IFT81: variants seen among roughly 807,000 people sequenced by gnomAD.
IFT81 encodes intraflagellar transport 81, also known as intraflagellar transport protein 81 homolog.
Under a neutral mutation model 102.6 loss-of-function variants are expected in IFT81, and 72 were observed. That is an observed-to-expected ratio of 0.70 (90% CI 0.58 to 0.85). The LOEUF (loss-of-function observed/expected upper bound fraction) is 0.85. Ranked by LOEUF, IFT81 falls within the 40% of genes least tolerant of loss-of-function variation. The probability of loss-of-function intolerance (pLI) is 0.00; values close to 1 mark genes in which losing one functional copy is unlikely to be tolerated. For synonymous variants in IFT81, 237 were observed against 242.7 expected (o/e 0.98, Z 0.22); for missense variants, 723 against 787.3 (o/e 0.92, Z 0.98).
chr12:110,160,698 A>G (rs1593315858), intron 10 of IFT81, among the ~76,000 whole-genome samples: 1 of 152,238 alleles, frequency 6.6e-6, no homozygotes, highest in African/African-American at 2.4e-5. Context: ...GACACCTAAT[A>G]GTAACCATCA....
chr12:110,173,582 A>G (rs1400624574), intron 11 of IFT81, among the ~76,000 whole-genome samples: 1 of 152,240 alleles, frequency 6.6e-6, no homozygotes, highest in Non-Finnish European at 1.5e-5. Flanking sequence ...TGTGGAAAGA[A>G]GTAGACATGG....
chr12:110,203,048 C>A (rs1028500259), intron 14 of IFT81, among the ~76,000 whole-genome samples: 1 of 151,968 alleles, frequency 6.6e-6, no homozygotes, highest in Non-Finnish European at 1.5e-5. Context: ...GGTGGATCAC[C>A]TGAGATCAGG....
intron 18 of IFT81, among the ~76,000 whole-genome samples, 194 bp from the exon 19 acceptor site, chr12:110,217,850 G>T (rs1470204339): frequency 6.6e-6 from 1 of 152,090 alleles, no homozygotes; most frequent in Admixed American, 6.6e-5. Flanking sequence ...AAAGTGCTAG[G>T]TTTACAGACA....
chr12:110,208,372 C>T (rs895019246), intron 17 of IFT81, among the ~76,000 whole-genome samples: 6 of 151,906 alleles, frequency 3.9e-5, no homozygotes, highest in Non-Finnish European at 8.8e-5. Flanking sequence ...CCCAATATGG[C>T]GACACATGTC....
chr12:110,142,183 A>G (rs1894930211), intron 8 of IFT81, among the ~76,000 whole-genome samples: 1 of 152,038 alleles, frequency 6.6e-6, no homozygotes, highest in South Asian at 2.1e-4. Flanking sequence ...TTTTTTTGAG[A>G]CAGAGTCTCC....
At position 110,162,882 on chromosome 12, in the gene IFT81, A is replaced by G. The variant is rs1381683153; in HGVS notation, c.1042-37A>G. 9.3e-6 allele frequency: 14 copies of G among 1,499,246 alleles called. No individual in the cohort carries two copies. In the Admixed American group the frequency reaches 1.7e-4, roughly 18 times the overall value. The allele number at this position is 1,499,246 out of a possible 1,614,324, so 92.9% of individuals were successfully genotyped here. A position where few individuals can be genotyped will look rare whatever the true frequency, so the allele number is the denominator to read the frequency against. On this transcript the variant is annotated intron_variant, in intron 10 of 18. Coordinates refer to ENST00000242591, the MANE Select transcript of IFT81 (RefSeq NM_014055.4). ...CACAAGATAATAGAAAGTTGATTGT[A>G]TATCTTATTATACCTTCATATTTAA...
rs1893911821 is a variant in IFT81 at position 110,127,406 on chromosome 12, T to C, written c.26T>C (p.Met9Thr). 3 of 1,595,694 alleles carry C rather than the reference T, an allele frequency of 1.9e-6. No homozygotes were observed. Among genetic ancestry groups the C allele is most frequent in the African/African-American group, 1.3e-5 (1 of 74,102 alleles). MSDQIKFI[M>T]DSLNKEPFRK... ...ATGAGTGATCAAATTAAATTCATTA[T>C]GGACAGTCTCAATAAGGAGCCCTTT... Residue 9 changes from methionine to threonine, a missense_variant, in exon 2 of 19, where the codon ATG becomes ACG. By Grantham distance (81) the Met-to-Thr change is moderately conservative. Transcript: ENST00000242591.
intron 11 of IFT81, among the ~76,000 whole-genome samples, chr12:110,179,189 A>G (rs942923833): frequency 1.3e-5 from 2 of 152,142 alleles, no homozygotes; most frequent in African/African-American, 4.8e-5. Flanking sequence ...TAAGTGATAA[A>G]TAGTAGCTAC....
At chr12:110,175,103 TG>T (rs1896983692) in intron 11 of IFT81, among the ~76,000 whole-genome samples, 1 of 152,196 alleles carries the variant, frequency 6.6e-6, no homozygotes, top group Non-Finnish European at 1.5e-5. Flanking sequence ...TGGGCTTCCC[TG>T]CCCAGTAGCA....
chr12:110,140,311 A>G (rs924284482), intron 8 of IFT81, among the ~76,000 whole-genome samples: 1 of 152,066 alleles, frequency 6.6e-6, no homozygotes, highest in Non-Finnish European at 1.5e-5. Flanking sequence ...CTTTTGACAT[A>G]CGCATACACT....
intron 12 of IFT81, 124 bp downstream of exon 12, chr12:110,180,695 A>G (rs1029457650): frequency 6.5e-6 from 4 of 611,542 alleles, no homozygotes; most frequent in Non-Finnish European, 1.0e-5. Context: ...TCTCTGATTA[A>G]TTACAGACAT....
At chr12:110,177,882 G>A (rs900013854) in intron 11 of IFT81, among the ~76,000 whole-genome samples, 2 of 151,700 alleles carry the variant, frequency 1.3e-5, no homozygotes, top group Non-Finnish European at 2.9e-5. Context: ...ATCACCTGAG[G>A]TCAGGAGTTC....
At chr12:110,179,842 AAT>A (rs886790382) in intron 11 of IFT81, among the ~76,000 whole-genome samples, 24 of 141,746 alleles carry the variant, frequency 1.7e-4, no homozygotes, top group East Asian at 6.0e-4. Flanking sequence ...ATATACACAT[AAT>A]ATATATATAT....
At chr12:110,147,194 T>A (rs1027312401) in intron 10 of IFT81, 146 bp downstream of exon 10, 2 of 540,116 alleles carry the variant, frequency 3.7e-6, no homozygotes, top group African/African-American at 3.9e-5. Flanking sequence ...TATCAAAGAA[T>A]TAGTGGAAAA....
intron 11 of IFT81, among the ~76,000 whole-genome samples, chr12:110,176,561 G>C (rs1897042802): frequency 6.6e-6 from 1 of 152,054 alleles, no homozygotes; most frequent in South Asian, 2.1e-4. Context: ...TTTGTTTTTT[G>C]TATGACATTG....
intron 8 of IFT81, among the ~76,000 whole-genome samples, chr12:110,143,113 A>G (rs1175916049): frequency 6.6e-6 from 1 of 152,150 alleles, no homozygotes; most frequent in Non-Finnish European, 1.5e-5. Context: ...TGCGGGATAT[A>G]AAAGAATTAG....
At chr12:110,186,238 CTTGTTTGTTTGTTTGTTTGTTTGT>C (rs139841661) in intron 12 of IFT81, among the ~76,000 whole-genome samples, 2 of 150,794 alleles carry the variant, frequency 1.3e-5, no homozygotes, top group Non-Finnish European at 3.0e-5. Flanking sequence ...AACTGTACAT[CTTGTTTGTTTGTTTGTTTGTTTGT>C]TTGTTTGTTT....
intron 14 of IFT81, 62 bp from the exon 15 acceptor site, chr12:110,203,802 T>A: frequency 9.1e-7 from 1 of 1,097,138 alleles, no homozygotes; most frequent in Non-Finnish European, 1.4e-6. Flanking sequence ...ATGCATTGTT[T>A]CAGAGCCATG....
chr12:110,163,061 A>T lies in IFT81; in HGVS notation c.1184A>T (p.Asp395Val). The T allele has an allele frequency of 6.2e-7, 1 of 1,613,626 alleles. No individual in the cohort carries two copies. Among genetic ancestry groups the T allele is most frequent in the Non-Finnish European group, 8.5e-7 (1 of 1,179,776 alleles). ...GATGGTACTGAAGTTTTAAAGGGAG[A>T]TGAGGTAAGCTGAGCCATCTCATGG... ...EFDGTEVLKGDEFKRYVNKLR... is the reference protein window; with the variant it reads ...EFDGTEVLKGVEFKRYVNKLR... Residue 395 changes from aspartate to valine, a missense_variant, in exon 11 of 19, where the codon GAT (aspartate) becomes GTT (valine). By Grantham distance (152) the Asp-to-Val change is radical. Coordinates refer to ENST00000242591, the MANE Select transcript of IFT81 (RefSeq NM_014055.4).
Sources: allele counts gnomAD v4.1 joint callset (sites outside exome capture counted in the v4.1 genomes callset), GRCh38; gene constraint gnomAD v4.1.1; transcripts MANE v1.5; gene names NCBI Gene and HGNC (gene_info 2026-07-23, HGNC 2026-07-21).